SLC14A2: variants seen among roughly 807,000 people sequenced by gnomAD.
SLC14A2 encodes the protein urea transporter 2.
SLC14A2 carries 91 observed loss-of-function variants against 104.6 expected under a neutral mutation model. The observed-to-expected ratio is 0.87, with a 90% CI of 0.73 to 1.04. The LOEUF (loss-of-function observed/expected upper bound fraction) is 1.04. SLC14A2 is among the 50% of genes least tolerant of loss of function. The pLI is 0.00. For synonymous variants in SLC14A2, 476 were observed against 466.4 expected (o/e 1.02, Z -0.27); for missense variants, 1,189 against 1,156.0 (o/e 1.03, Z -0.41).
intron 2 of SLC14A2, among the ~76,000 whole-genome samples, chr18:45,494,032 G>C (rs1157307291): frequency 6.6e-6 from 1 of 152,208 alleles, no homozygotes; most frequent in Non-Finnish European, 1.5e-5. Flanking sequence ...AATGTTCTGT[G>C]CATAGTCATC....
intron 1 of SLC14A2, among the ~76,000 whole-genome samples, chr18:45,467,002 T>C (rs1402475176): frequency 3.3e-5 from 5 of 152,202 alleles, no homozygotes; most frequent in Non-Finnish European, 5.9e-5. Context: ...GATGACACAA[T>C]GTCCATGTGG....
chr18:45,507,493 G>A (rs2043304353), intron 2 of SLC14A2: 1 of 152,202 alleles, frequency 6.6e-6, no homozygotes, highest in Non-Finnish European at 1.5e-5. Flanking sequence ...TGACCCTCAG[G>A]TCACACACAT....
intron 2 of SLC14A2, among the ~76,000 whole-genome samples, chr18:45,523,115 A>ACTTCACCCCACGTGAAG (rs1484552597): frequency 7.2e-5 from 11 of 152,224 alleles, no homozygotes; most frequent in Non-Finnish European, 1.3e-4. Context: ...CCACTTTCTC[A>ACTTCACCCCACGTGAAG]GCTGGTGAGA....
At chr18:45,267,243 C>T (rs1389696508) in intron 1 of SLC14A2, among the ~76,000 whole-genome samples, 1 of 152,112 alleles carries the variant, frequency 6.6e-6, no homozygotes, top group African/African-American at 2.4e-5. Context: ...TCTGATCCTC[C>T]TCATGCAGCT....
At chr18:45,375,764 T>C (rs1272661226) in intron 1 of SLC14A2, among the ~76,000 whole-genome samples, 3 of 152,236 alleles carry the variant, frequency 2.0e-5, no homozygotes, top group African/African-American at 7.2e-5. Context: ...GGACAGGCTC[T>C]GTGAGCAATC....
chr18:45,219,918 C>A (rs544607591), intron 1 of SLC14A2, among the ~76,000 whole-genome samples: 9 of 152,272 alleles, frequency 5.9e-5, no homozygotes, highest in African/African-American at 2.2e-4. Flanking sequence ...TGTAAATAGA[C>A]CACGAAGTTA....
intron 2 of SLC14A2, chr18:45,485,283 C>T (rs184075882): frequency 6.6e-6 from 1 of 152,332 alleles, no homozygotes; most frequent in Non-Finnish European, 1.5e-5. Flanking sequence ...TGTAAAATGG[C>T]ATCTTACCAA....
intron 1 of SLC14A2, among the ~76,000 whole-genome samples, chr18:45,213,886 C>G (rs967108088): frequency 1.3e-5 from 2 of 152,162 alleles, no homozygotes; most frequent in Admixed American, 1.3e-4. Flanking sequence ...GGCCCAGGGA[C>G]GTTTGGACTG....
intron 10 of SLC14A2, among the ~76,000 whole-genome samples, chr18:45,644,993 T>C (rs1260451033): frequency 6.6e-6 from 1 of 152,164 alleles, no homozygotes; most frequent in Non-Finnish European, 1.5e-5. Flanking sequence ...ATTAGGTAGT[T>C]ATCCTAGTGC....
Position 45,641,282 on chromosome 18 carries a change from C to T in SLC14A2, c.1065C>T (p.Ile355=), listed in dbSNP as rs754209689. 61 of 1,614,198 alleles carry T rather than the reference C, an allele frequency of 3.8e-5. No homozygotes were observed. The Middle Eastern group carries it at 4.9e-4, about 13-fold the overall frequency. The change falls in exon 8 of 20, where the codon ATC becomes ATT. Residue 355 remains isoleucine (I), a synonymous_variant. Transcript: ENST00000255226. ...LWSYNCVLSC[I]AIGGMFYALT... ...GCTACAACTGCGTCCTCTCCTGCAT[C>T]GCCATCGGAGGCATGTTCTATGCCC...
At chr18:45,401,837 C>T (rs143104982) in intron 1 of SLC14A2, among the ~76,000 whole-genome samples, 2 of 152,058 alleles carry the variant, frequency 1.3e-5, no homozygotes, top group Non-Finnish European at 2.9e-5. Flanking sequence ...ACTGGTGATA[C>T]ATTAGATATG....
Position 45,487,686 on chromosome 18 carries a change from T to C in SLC14A2, c.-35+4364T>C, listed in dbSNP as rs2087635211. 2.0e-5 allele frequency among the ~76,000 whole-genome samples: 3 copies of C among 152,098 alleles called. 1 individual carries two copies. In the South Asian group the frequency reaches 6.2e-4, roughly 31 times the overall value. On this transcript the variant is annotated intron_variant, in intron 2 of 20. Coordinates refer to the SLC14A2 transcript ENST00000586448. ...AGGAGTGGAATTAAAAGAGGCAGAATAGGCAGAGGGAGGAGCTGGACTTTG... is the reference window on the plus strand; with the variant it reads ...AGGAGTGGAATTAAAAGAGGCAGAACAGGCAGAGGGAGGAGCTGGACTTTG...
At chr18:45,517,739 T>C (rs2043461889) in intron 2 of SLC14A2, among the ~76,000 whole-genome samples, 1 of 152,206 alleles carries the variant, frequency 6.6e-6, no homozygotes, top group African/African-American at 2.4e-5. Context: ...TTCTGTCCTT[T>C]TGGCTGATGC....
chr18:45,388,138 A>G, intron 1 of SLC14A2, among the ~76,000 whole-genome samples: 1 of 127,886 alleles, frequency 7.8e-6, no homozygotes, highest in East Asian at 2.3e-4. Context: ...TGCAGTGGCG[A>G]GATCTCGGCT....
At chr18:45,250,694 A>C (rs1431741247) in intron 1 of SLC14A2, among the ~76,000 whole-genome samples, 1 of 150,216 alleles carries the variant, frequency 6.7e-6, no homozygotes, top group Non-Finnish European at 1.5e-5. Context: ...CCAGGAGGTC[A>C]AAAGGGCTGA....
intron 1 of SLC14A2, among the ~76,000 whole-genome samples, chr18:45,234,960 G>A (rs979195909): frequency 1.3e-5 from 2 of 152,102 alleles, no homozygotes; most frequent in Admixed American, 6.5e-5. Context: ...ATAGCAAAGT[G>A]ACTGTGCAGG....
intron 1 of SLC14A2, among the ~76,000 whole-genome samples, chr18:45,393,724 G>T (rs1217307786): frequency 6.6e-6 from 1 of 152,176 alleles, no homozygotes; most frequent in Non-Finnish European, 1.5e-5. Context: ...TTCTTGGATA[G>T]CTCTGGCCTG....
intron 1 of SLC14A2, among the ~76,000 whole-genome samples, chr18:45,480,247 A>C (rs575564007): frequency 2.7e-4 from 41 of 151,982 alleles, no homozygotes; most frequent in Admixed American, 9.8e-4. Context: ...AAAATTTTTC[A>C]ATGTCTAATC....
chr18:45,195,565 T>C, the SLC14A2 span, among the ~76,000 whole-genome samples: 5 of 152,152 alleles, frequency 3.3e-5, no homozygotes, highest in African/African-American at 1.2e-4. Flanking sequence ...CTAATTTTTG[T>C]ATTTTTAGTA....
Sources: gnomAD v4.1 joint callset for allele counts (sites outside exome capture counted in the v4.1 genomes callset) on GRCh38, gnomAD v4.1.1 for gene constraint, MANE v1.5 for transcripts, NCBI Gene and HGNC (gene_info 2026-07-23, HGNC 2026-07-21) for gene names.